RAPGEF2: variants seen among roughly 807,000 people sequenced by gnomAD.
The protein encoded by RAPGEF2 is Rap guanine nucleotide exchange factor 2, also known as PDZ domain containing guanine nucleotide exchange factor (GEF) 1.
A neutral mutation model predicts 186.7 loss-of-function variants in RAPGEF2; 54 were observed. That is an observed-to-expected ratio of 0.29 (90% CI 0.23 to 0.36). The LOEUF (loss-of-function observed/expected upper bound fraction) is 0.36, where lower values mean the gene tolerates loss of function less well. Among genes scored for constraint, RAPGEF2 ranks in the 10% least tolerant of loss-of-function variants. RAPGEF2 has a pLI of 1.00. For synonymous variants in RAPGEF2, 712 were observed against 705.9 expected (o/e 1.01, Z -0.14); for missense variants, 1,532 against 2,045.0 (o/e 0.75, Z 4.84).
intron 1 of RAPGEF2, among the ~76,000 whole-genome samples, chr4:159,104,997 C>T (rs1314412499): frequency 6.6e-6 from 1 of 152,142 alleles, no homozygotes; most frequent in Admixed American, 6.5e-5. Flanking sequence ...GTTGCACAAC[C>T]TTGTCAAAAT....
chr4:159,343,333 T>C lies in RAPGEF2; in HGVS notation c.3183T>C (p.Ile1061=), dbSNP rs1729813054. 6.2e-7 allele frequency: 1 copy of C among 1,614,136 alleles called. No individual in the cohort carries two copies. Among genetic ancestry groups the C allele is most frequent in the Middle Eastern group, 1.6e-4 (1 of 6,062 alleles). ...TCAATTTTGAGAAGCTAAGGATGAT[T>C]GCAAAAGAAATTCGTCACGTTGGCC... ...GLVNFEKLRM[I]AKEIRHVGRM... is the part of the protein sequence containing the mutation. The change falls in exon 22 of 30, where the codon ATT becomes ATC. Residue 1061 remains isoleucine, a synonymous_variant. Transcript: ENST00000691494.
At chr4:159,354,378 A>G (rs1205331015) in intron 28 of RAPGEF2, among the ~76,000 whole-genome samples, 1 of 152,204 alleles carries the variant, frequency 6.6e-6, no homozygotes, top group Non-Finnish European at 1.5e-5. Flanking sequence ...TTATTCATAG[A>G]GGAGAAATTT....
intron 7 of RAPGEF2, among the ~76,000 whole-genome samples, chr4:159,289,278 A>G (rs936802396): frequency 6.6e-6 from 1 of 152,188 alleles, no homozygotes; most frequent in Admixed American, 6.6e-5. Context: ...GAGTAACTTT[A>G]TATATCTTCA....
intron 1 of RAPGEF2, among the ~76,000 whole-genome samples, chr4:159,154,672 G>C (rs1295679688): frequency 6.6e-6 from 1 of 152,120 alleles, no homozygotes. Context: ...ATAGGTAGCA[G>C]GCTGAATTTG....
At chr4:159,143,786 G>C (rs1742612902) in intron 1 of RAPGEF2, among the ~76,000 whole-genome samples, 1 of 152,140 alleles carries the variant, frequency 6.6e-6, no homozygotes, top group Non-Finnish European at 1.5e-5. Context: ...CTCTGACTCT[G>C]AGCAAATGCC....
intron 7 of RAPGEF2, among the ~76,000 whole-genome samples, chr4:159,300,089 A>ACC (rs1762468988): frequency 1.3e-5 from 2 of 151,558 alleles, no homozygotes; most frequent in Non-Finnish European, 2.9e-5. Flanking sequence ...CTTTATTAAT[A>ACC]TTATAAAGTA....
chr4:159,224,360 A>G (rs1046896851), intron 4 of RAPGEF2, among the ~76,000 whole-genome samples: 1 of 152,228 alleles, frequency 6.6e-6, no homozygotes, highest in Non-Finnish European at 1.5e-5. Context: ...ATTACCACTC[A>G]AGCCCAAGAA....
intron 8 of RAPGEF2, among the ~76,000 whole-genome samples, chr4:159,311,312 T>G (rs1418929137): frequency 6.6e-6 from 1 of 152,204 alleles, no homozygotes; most frequent in Non-Finnish European, 1.5e-5. Context: ...GCAGTTAGTC[T>G]AAGATACTAT....
chr4:159,313,824 A>G (rs1300016676), intron 8 of RAPGEF2, among the ~76,000 whole-genome samples: 2 of 152,222 alleles, frequency 1.3e-5, no homozygotes, highest in East Asian at 3.8e-4. Flanking sequence ...ATACATACAT[A>G]TTGCTGAGAT....
At chr4:159,267,079 G>A in intron 7 of RAPGEF2, 2 of 966,766 alleles carry the variant, frequency 2.1e-6, no homozygotes, top group Non-Finnish European at 2.8e-6. Context: ...ATTTCAGTGT[G>A]TATAGGGAGA....
intron 1 of RAPGEF2, among the ~76,000 whole-genome samples, chr4:159,110,358 C>T (rs1374424259): frequency 1.3e-5 from 2 of 152,042 alleles, no homozygotes; most frequent in Non-Finnish European, 1.5e-5. Flanking sequence ...GAGGCTGAGG[C>T]GGGTGGATCA....
chr4:159,220,692 C>T (rs547818639), intron 4 of RAPGEF2, among the ~76,000 whole-genome samples: 2 of 152,226 alleles, frequency 1.3e-5, no homozygotes, highest in Admixed American at 6.5e-5. Flanking sequence ...GGAAGTCTAC[C>T]CTTGTATTCC....
intron 2 of RAPGEF2, among the ~76,000 whole-genome samples, chr4:159,187,078 A>G (rs972943812): frequency 2.0e-5 from 3 of 152,220 alleles, no homozygotes; most frequent in African/African-American, 7.2e-5. Context: ...ACTGTAGTCA[A>G]CAAGTAGGCT....
chr4:159,210,928 C>G (rs954898636), intron 4 of RAPGEF2, among the ~76,000 whole-genome samples: 10 of 152,134 alleles, frequency 6.6e-5, no homozygotes, highest in Non-Finnish European at 1.3e-4. Context: ...CAGGCAGTCT[C>G]ATAAACATCT....
At position 159,247,220 on chromosome 4, in the gene RAPGEF2, TATTC is replaced by T. The variant is rs1206713148; in HGVS notation, c.543+3433_543+3436del. Among the ~76,000 whole-genome samples the T allele has an allele frequency of 4.6e-5, 7 of 152,268 alleles. No homozygotes were observed. The East Asian group carries it at 1.2e-3, about 25-fold the overall frequency. ...TATATATTTTTGGTCATTTAACAAA[TATTC>T]ATTGAGTGCCCACCATGTTTCAGGT... On this transcript the variant is annotated intron_variant, in intron 7 of 29. Transcript: ENST00000691494.
intron 7 of RAPGEF2, among the ~76,000 whole-genome samples, chr4:159,286,030 AACCACCACCACCACCACC>A (rs35426817): frequency 0.03 from 2,709 of 89,290 alleles, 141 homozygotes; most frequent in African/African-American, 0.093. Context: ...TGTTCCCCCC[AACCACCACCACCACCACC>A]ACCACCACCA....
intron 1 of RAPGEF2, among the ~76,000 whole-genome samples, chr4:159,142,183 A>G (rs1175239047): frequency 1.3e-5 from 2 of 152,210 alleles, no homozygotes; most frequent in African/African-American, 2.4e-5. Flanking sequence ...GAAGTACCCT[A>G]ATGTCACTCA....
chr4:159,318,454 A>G (rs1175106003), intron 9 of RAPGEF2, among the ~76,000 whole-genome samples: 2 of 152,232 alleles, frequency 1.3e-5, no homozygotes, highest in African/African-American at 4.8e-5. Flanking sequence ...GTCCACGTGC[A>G]TGCATGTGAG....
chr4:159,357,018 C>T (rs959378528), intron 29 of RAPGEF2, among the ~76,000 whole-genome samples: 6 of 152,106 alleles, frequency 3.9e-5, no homozygotes, highest in South Asian at 2.1e-4. Context: ...ATTATATTTG[C>T]GCTTTTAATG....
Sources: allele counts gnomAD v4.1 joint callset (sites outside exome capture counted in the v4.1 genomes callset), GRCh38; gene constraint gnomAD v4.1.1; transcripts MANE v1.5; gene names NCBI Gene and HGNC (gene_info 2026-07-23, HGNC 2026-07-21).